PELI1: variants seen among roughly 807,000 people sequenced by gnomAD.
PELI1 encodes E3 ubiquitin-protein ligase pellino homolog 1.
Under a neutral mutation model 41.3 loss-of-function variants are expected in PELI1, and 15 were observed. The observed-to-expected ratio is 0.36, with a 90% CI of 0.24 to 0.56. PELI1 has a LOEUF of 0.56. PELI1 is among the 20% of genes least tolerant of loss of function. PELI1 has a pLI of 0.82. For synonymous variants in PELI1, 178 were observed against 180.1 expected, an observed-to-expected ratio of 0.99 and a Z score of 0.09; for missense variants, 403 against 525.5, an observed-to-expected ratio of 0.77 and a Z score of 2.28.
At chr2:64,097,835 T>G (rs1680295999) in intron 4 of PELI1, among the ~76,000 whole-genome samples, 1 of 152,238 alleles carries the variant, frequency 6.6e-6, no homozygotes. Context: ...TAAAGTCTTT[T>G]TATTTAGATT....
At chr2:64,100,369 A>T in intron 4 of PELI1, 29 bp downstream of exon 4, 2 of 1,207,716 alleles carry the variant, frequency 1.7e-6, no homozygotes, top group Non-Finnish European at 2.4e-6. Context: ...TTCGTTTCTT[A>T]AGAAAAAAAA....
intron 4 of PELI1, among the ~76,000 whole-genome samples, chr2:64,097,255 T>C (rs1680268791): frequency 6.6e-6 from 1 of 152,226 alleles, no homozygotes; most frequent in Non-Finnish European, 1.5e-5. Context: ...AACAAGCCCC[T>C]CTTTTAACTG....
At chr2:64,109,680 CA>C in intron 1 of PELI1, among the ~76,000 whole-genome samples, 1 of 152,048 alleles carries the variant, frequency 6.6e-6, no homozygotes, top group African/African-American at 2.4e-5. Flanking sequence ...GACTCCATCT[CA>C]AAACAAAAAC....
chr2:64,094,665 A>G lies in PELI1; in HGVS notation c.*37T>C. Reference sequence around the variant, plus strand: ...TTCGAAAACCCAACTCACTTAGCTTATAAATTTATAATGTAGTCCTGCAAG... The same window carrying G: ...TTCGAAAACCCAACTCACTTAGCTTGTAAATTTATAATGTAGTCCTGCAAG... On this transcript the variant is annotated 3_prime_UTR_variant, in exon 7 of 7. Coordinates refer to ENST00000358912, the MANE Select transcript of PELI1 (RefSeq NM_020651.4). 1 of 1,503,520 alleles carries G rather than the reference A, an allele frequency of 6.7e-7. No individual in the cohort carries two copies. The highest frequency in any genetic ancestry group is 2.3e-5 in the East Asian group (1 of 44,116). 93.1% of individuals were successfully genotyped at this position (1,503,520 alleles called of 1,614,324 possible).
chr2:64,098,962 C>G (rs549060466), intron 4 of PELI1, among the ~76,000 whole-genome samples: 1 of 152,254 alleles, frequency 6.6e-6, no homozygotes, highest in South Asian at 2.1e-4. Flanking sequence ...AAAACTTATT[C>G]AAGGGCCTTC....
At chr2:64,100,166 G>A (rs1176637139) in intron 4 of PELI1, among the ~76,000 whole-genome samples, 2 of 152,088 alleles carry the variant, frequency 1.3e-5, no homozygotes, top group African/African-American at 4.8e-5. Context: ...ACTTTACAGA[G>A]GAGGAAACTG....
At chr2:64,095,599 G>A (rs1458777410) in intron 6 of PELI1, among the ~76,000 whole-genome samples, 1 of 152,188 alleles carries the variant, frequency 6.6e-6, no homozygotes, top group Non-Finnish European at 1.5e-5. Context: ...GTGCTGTTTA[G>A]TTTAAGAAAG....
At chr2:64,117,157 C>CT (rs796671676) in intron 1 of PELI1, among the ~76,000 whole-genome samples, 3 of 152,216 alleles carry the variant, frequency 2.0e-5, no homozygotes, top group South Asian at 4.1e-4. Context: ...ACAGTGGCCT[C>CT]TAACTGTTTA....
At chr2:64,137,991 A>C (rs1048487507) in intron 1 of PELI1, among the ~76,000 whole-genome samples, 7 of 152,152 alleles carry the variant, frequency 4.6e-5, no homozygotes, top group Admixed American at 3.3e-4. Context: ...TTTTCCTTTA[A>C]AGATGGATAA....
Position 64,096,222 on chromosome 2 carries a change from G to C in PELI1, c.593C>G (p.Thr198Arg). Residue 198 changes from threonine to arginine, a missense_variant, in exon 6 of 7, where the codon ACA becomes AGA. Physicochemically the swap from Thr to Arg is moderately conservative, Grantham distance 71. Transcript: ENST00000358912. ...CCATATTCCAGGCTTGGAGTCTTCT[G>C]TGAACCCATTGCGTGGATGCATCAC... Reference protein sequence around the residue: ...VLVMHPRNGFTEDSKPGIWRE... With the variant: ...VLVMHPRNGFREDSKPGIWRE... 1 of 1,613,788 alleles carries C rather than the reference G, an allele frequency of 6.2e-7. No homozygotes were observed. Among genetic ancestry groups the C allele is most frequent in the Non-Finnish European group, 8.5e-7 (1 of 1,179,734 alleles).
chr2:64,133,144 T>C (rs1681605968), intron 1 of PELI1, among the ~76,000 whole-genome samples: 1 of 152,182 alleles, frequency 6.6e-6, no homozygotes, highest in African/African-American at 2.4e-5. Flanking sequence ...AAAATGAGTT[T>C]CCATCAAATT....
At chr2:64,110,655 G>A (rs545647668) in intron 1 of PELI1, among the ~76,000 whole-genome samples, 11 of 152,296 alleles carry the variant, frequency 7.2e-5, no homozygotes, top group Middle Eastern at 3.4e-3. Context: ...GTTAGATGTA[G>A]TTCTAAATGT....
At chr2:64,137,989 TA>T (rs1166463815) in intron 1 of PELI1, among the ~76,000 whole-genome samples, 27 of 152,194 alleles carry the variant, frequency 1.8e-4, no homozygotes, top group Admixed American at 1.8e-3. Flanking sequence ...ATTTTTCCTT[TA>T]AAGATGGATA....
At chr2:64,104,043 CT>C (rs1291326207) in intron 3 of PELI1, among the ~76,000 whole-genome samples, 1 of 152,114 alleles carries the variant, frequency 6.6e-6, no homozygotes, top group Admixed American at 6.5e-5. Flanking sequence ...GGTCCAGCTT[CT>C]GGAAATTTTG....
intron 1 of PELI1, among the ~76,000 whole-genome samples, chr2:64,128,651 C>A (rs565792926): frequency 7.3e-4 from 111 of 152,226 alleles, no homozygotes; most frequent in Non-Finnish European, 7.7e-4. Flanking sequence ...CTACTGTTAT[C>A]TTTGTCCTAA....
intron 1 of PELI1, among the ~76,000 whole-genome samples, chr2:64,132,194 G>A (rs2103737495): frequency 6.6e-6 from 1 of 152,200 alleles, no homozygotes; most frequent in Non-Finnish European, 1.5e-5. Flanking sequence ...ACATCGTGCT[G>A]AGAACTTTAT....
intron 1 of PELI1, among the ~76,000 whole-genome samples, chr2:64,115,035 G>GCT (rs373072123): frequency 0.31 from 46,781 of 151,984 alleles, 7,812 homozygotes; most frequent in East Asian, 0.77. Flanking sequence ...AGGCCGTGTA[G>GCT]TTGAAGGCGG....
chr2:64,141,314 C>CA (rs56710029), intron 1 of PELI1, among the ~76,000 whole-genome samples: 2 of 147,656 alleles, frequency 1.4e-5, no homozygotes, highest in South Asian at 2.2e-4. Context: ...GCCCCCACCC[C>CA]AAAGGAGCTC....
Position 64,139,272 on chromosome 2 carries a change from TG to T in PELI1, c.-70+4808del, listed in dbSNP as rs1681817571. 2.0e-5 allele frequency among the ~76,000 whole-genome samples: 3 copies of T among 152,338 alleles called. No homozygotes were observed. The South Asian group carries it at 6.2e-4, about 32-fold the overall frequency. On this transcript the variant is annotated intron_variant, in intron 1 of 6. Transcript: ENST00000358912. Reference sequence around the variant, plus strand: ...TCCCTATTTCTTGCTATTAATTTTTTGAATAAATCAGGTCATTTTTCTTTTA... The same window carrying T: ...TCCCTATTTCTTGCTATTAATTTTTTAATAAATCAGGTCATTTTTCTTTTA...
Sources: gnomAD v4.1 joint callset for allele counts (sites outside exome capture counted in the v4.1 genomes callset) on GRCh38, gnomAD v4.1.1 for gene constraint, MANE v1.5 for transcripts, NCBI Gene and HGNC (gene_info 2026-07-23, HGNC 2026-07-21) for gene names.